PREX1: variants seen among roughly 807,000 people sequenced by gnomAD.
PREX1 encodes phosphatidylinositol-3,4,5-trisphosphate dependent Rac exchange factor 1.
In PREX1, 41 loss-of-function variants were observed where a neutral mutation model predicts 198.3. The ratio of observed to expected loss-of-function variants is 0.21; its 90% CI spans 0.16 to 0.27. The LOEUF (loss-of-function observed/expected upper bound fraction) is 0.27. Ranked by LOEUF, PREX1 falls within the 10% of genes least tolerant of loss-of-function variation. The pLI, the probability that PREX1 is intolerant of heterozygous loss-of-function variation, is 1.00. For synonymous variants in PREX1, 843 were observed against 887.2 expected, an observed-to-expected ratio of 0.95 and a Z score of 0.89; for missense variants, 1,620 against 2,200.7, an observed-to-expected ratio of 0.74 and a Z score of 5.28.
At chr20:48,793,556 G>A (rs376294391) in intron 1 of PREX1, among the ~76,000 whole-genome samples, 1 of 152,210 alleles carries the variant, frequency 6.6e-6, no homozygotes, top group Non-Finnish European at 1.5e-5. Flanking sequence ...TATCCACATC[G>A]ATGTTGAAAG....
chr20:48,650,789 T>A, intron 23 of PREX1, 105 bp downstream of exon 23: 1 of 1,392,922 alleles, frequency 7.2e-7, no homozygotes, highest in Non-Finnish European at 9.8e-7. Context: ...CCTGTTTGTT[T>A]CAGCTGAGTT....
chr20:48,728,497 C>T (rs2090019369), intron 4 of PREX1, among the ~76,000 whole-genome samples: 1 of 152,252 alleles, frequency 6.6e-6, no homozygotes, highest in African/African-American at 2.4e-5. Context: ...CCAGCTCTAG[C>T]TGAGCTGAAT....
At chr20:48,822,600 A>G (rs879531588) in intron 1 of PREX1, among the ~76,000 whole-genome samples, 1 of 152,342 alleles carries the variant, frequency 6.6e-6, no homozygotes, top group Non-Finnish European at 1.5e-5. Context: ...TGAAAATACA[A>G]TTCTTCCTGT....
chr20:48,777,296 T>C (rs1023824734), intron 1 of PREX1, among the ~76,000 whole-genome samples: 1 of 152,144 alleles, frequency 6.6e-6, no homozygotes, highest in Non-Finnish European at 1.5e-5. Flanking sequence ...GCCTCCAGCA[T>C]GAGGCCCAGG....
the PREX1 span, among the ~76,000 whole-genome samples, chr20:48,855,488 A>G: frequency 6.6e-6 from 1 of 152,126 alleles, no homozygotes; most frequent in Non-Finnish European, 1.5e-5. Context: ...ACAGTTATTT[A>G]GTGAGCACAG....
chr20:48,679,396 T>C lies in PREX1; in HGVS notation c.1553A>G (p.Tyr518Cys). Residue 518 changes from tyrosine to cysteine, a missense_variant, in exon 13 of 40, where the codon TAC becomes TGC. Tyr to Cys is a radical substitution (Grantham distance 194). Around this residue, in one of 7 missense-constraint regions of PREX1, gnomAD observed 488 missense variants for 802.5 expected, o/e 0.61. Coordinates refer to ENST00000371941, the MANE Select transcript of PREX1 (RefSeq NM_020820.4). ...EDIMSKGVRL[Y>C]CRLHSLYTPV... ...GGTGTAGAGGCTGTGAAGACGGCAG[T>C]AAAGCCTCACACCCTGAAAGAAAAA... 6.2e-7 allele frequency: 1 copy of C among 1,613,564 alleles called. No homozygotes were observed. The highest frequency in any genetic ancestry group is 8.5e-7 in the Non-Finnish European group (1 of 1,179,654).
intron 1 of PREX1, among the ~76,000 whole-genome samples, chr20:48,820,921 C>T (rs1457112128): frequency 1.3e-5 from 2 of 152,142 alleles, no homozygotes; most frequent in Non-Finnish European, 2.9e-5. Flanking sequence ...GACTTTTGGC[C>T]GGGCATGGTG....
rs779033761 is a variant in PREX1, at chr20:48,625,841, T to C, written c.*44A>G. 1 of 1,527,338 alleles carries C rather than the reference T, an allele frequency of 6.5e-7. No individual in the cohort carries two copies. The allele number at this position is 1,527,338 out of a possible 1,614,324, so 94.6% of individuals were successfully genotyped here. A position where few individuals can be genotyped will look rare whatever the true frequency, so the allele number is the denominator to read the frequency against. On this transcript the variant is annotated 3_prime_UTR_variant, in exon 40 of 40. Coordinates refer to ENST00000371941, the MANE Select transcript of PREX1 (RefSeq NM_020820.4). Reference sequence around the variant, plus strand: ...GCGCTGCCTGCTGTGTCCTCCCAAATCCCAGCTCCAGAGGCCGCGGCCCAG... The same window carrying C: ...GCGCTGCCTGCTGTGTCCTCCCAAACCCCAGCTCCAGAGGCCGCGGCCCAG...
chr20:48,637,589 T>A, intron 31 of PREX1, 122 bp downstream of exon 31: 5 of 1,030,252 alleles, frequency 4.9e-6, no homozygotes, highest in Non-Finnish European at 6.9e-6. Flanking sequence ...CAAGTAGCTC[T>A]TGGAGGGGCT....
intron 14 of PREX1, among the ~76,000 whole-genome samples, chr20:48,671,788 C>T (rs936403438): frequency 3.7e-4 from 57 of 152,186 alleles, no homozygotes; most frequent in African/African-American, 1.3e-3. Flanking sequence ...TGACCCAAGC[C>T]GAAGGCCAGT....
intron 27 of PREX1, 78 bp from the exon 28 acceptor site, chr20:48,642,567 G>T: frequency 2.3e-6 from 3 of 1,295,866 alleles, no homozygotes; most frequent in Non-Finnish European, 3.2e-6. Flanking sequence ...CCTAAGAGGG[G>T]GATACAGCTA....
intron 3 of PREX1, among the ~76,000 whole-genome samples, chr20:48,743,739 G>T (rs982518765): frequency 3.3e-5 from 5 of 152,242 alleles, no homozygotes; most frequent in African/African-American, 7.2e-5. Flanking sequence ...ATGAGGCACA[G>T]ACAAGATCAG....
intron 1 of PREX1, among the ~76,000 whole-genome samples, chr20:48,752,688 C>A (rs540899745): frequency 7.6e-4 from 116 of 152,254 alleles, no homozygotes; most frequent in African/African-American, 2.4e-3. Flanking sequence ...GATGACACAC[C>A]TTTCTTGGCT....
At chr20:48,672,289 C>T (rs755998262) in intron 14 of PREX1, among the ~76,000 whole-genome samples, 2 of 152,252 alleles carry the variant, frequency 1.3e-5, no homozygotes, top group East Asian at 1.9e-4. Flanking sequence ...TCACCTGCAA[C>T]GCCCTACTCA....
At chr20:48,828,320 G>A (rs908125400), upstream of PREX1, among the ~76,000 whole-genome samples, 14 of 151,702 alleles carry the variant, frequency 9.2e-5, no homozygotes, top group East Asian at 2.7e-3. Context: ...GACGCGTGGC[G>A]CCCCCCCAAC....
chr20:48,668,731 C>A (rs1287781500), intron 14 of PREX1, among the ~76,000 whole-genome samples: 1 of 152,202 alleles, frequency 6.6e-6, no homozygotes, highest in Non-Finnish European at 1.5e-5. Flanking sequence ...GGACCCCAAG[C>A]CAGTAGCTGG....
intron 21 of PREX1, 134 bp from the exon 22 acceptor site, chr20:48,651,717 C>T (rs1389127700): frequency 9.8e-6 from 8 of 816,566 alleles, no homozygotes; most frequent in East Asian, 2.7e-5. Context: ...GAGTACATTC[C>T]GCCAGAGTAG....
At chr20:48,672,949 A>G (rs2122990715) in intron 14 of PREX1, among the ~76,000 whole-genome samples, 1 of 152,204 alleles carries the variant, frequency 6.6e-6, no homozygotes, top group East Asian at 1.9e-4. Context: ...GGAGAACAGG[A>G]GCTTTTGTCT....
intron 5 of PREX1, among the ~76,000 whole-genome samples, chr20:48,721,482 A>G (rs187774138): frequency 1.8e-4 from 28 of 152,302 alleles, no homozygotes; most frequent in African/African-American, 6.5e-4. Context: ...CAGCAGAAGA[A>G]AGAGCAGGTG....
Sources: allele counts gnomAD v4.1 joint callset (sites outside exome capture counted in the v4.1 genomes callset), GRCh38; gene constraint gnomAD v4.1.1; regional missense constraint gnomAD v4.1.1; transcripts MANE v1.5; gene names NCBI Gene and HGNC (gene_info 2026-07-23, HGNC 2026-07-21).